Variants in SNX29 observed in about 807,000 individuals in gnomAD.
SNX29 encodes the protein sorting nexin 29, also known as sorting nexin-29.
A neutral mutation model predicts 102.1 loss-of-function variants in SNX29; 78 were observed. The ratio of observed to expected loss-of-function variants is 0.76; its 90% confidence interval spans 0.64 to 0.92. SNX29 has a LOEUF of 0.92. SNX29 is among the 40% of genes least tolerant of loss of function. The pLI is 0.00. For missense variants in SNX29, 1,280 were observed against 1,061.7 expected, an observed-to-expected ratio of 1.21 and a Z score of -2.86; for synonymous variants, 580 against 414.5, an observed-to-expected ratio of 1.40 and a Z score of -4.85.
chr16:12,110,164 C>G (rs918737630), intron 11 of SNX29, among the ~76,000 whole-genome samples: 1 of 152,162 alleles, frequency 6.6e-6, no homozygotes, highest in African/African-American at 2.4e-5. Flanking sequence ...CTGCAGCTCA[C>G]GTGTCTAAAG....
intron 10 of SNX29, among the ~76,000 whole-genome samples, chr16:12,069,432 A>AT (rs927794201): frequency 2.6e-5 from 4 of 151,706 alleles, no homozygotes; most frequent in East Asian, 1.9e-4. Flanking sequence ...TGCCTAGCTG[A>AT]TTTTTTTGTA....
chr16:11,999,924 A>T (rs868057988), intron 2 of SNX29, among the ~76,000 whole-genome samples: 1 of 151,012 alleles, frequency 6.6e-6, no homozygotes, highest in East Asian at 1.9e-4. Context: ...AAAGTCATTG[A>T]TGTGGGTTTC....
At chr16:12,286,514 T>G (rs1208870060) in intron 15 of SNX29, among the ~76,000 whole-genome samples, 1 of 151,836 alleles carries the variant, frequency 6.6e-6, no homozygotes, top group African/African-American at 2.4e-5. Context: ...GAGGTTAATT[T>G]TTTTGTATTT....
intron 4 of SNX29, among the ~76,000 whole-genome samples, chr16:12,031,666 G>A (rs542016837): frequency 2.6e-5 from 4 of 152,026 alleles, no homozygotes; most frequent in African/African-American, 4.8e-5. Flanking sequence ...TTAGCCAGGC[G>A]TGGTGGCAGG....
intron 18 of SNX29, among the ~76,000 whole-genome samples, chr16:12,467,340 C>T (rs1312983147): frequency 1.3e-5 from 2 of 152,200 alleles, no homozygotes; most frequent in Non-Finnish European, 2.9e-5. Flanking sequence ...AAATGGCTAT[C>T]GCTCACTAGG....
At chr16:11,993,101 G>C (rs1382792167) in intron 1 of SNX29, among the ~76,000 whole-genome samples, 2 of 151,972 alleles carry the variant, frequency 1.3e-5, no homozygotes, top group East Asian at 3.9e-4. Context: ...GGAGGTGGAG[G>C]CCTTAGTGAG....
intron 8 of SNX29, among the ~76,000 whole-genome samples, chr16:12,058,389 C>A (rs968750310): frequency 4.0e-5 from 6 of 150,688 alleles, no homozygotes; most frequent in African/African-American, 1.5e-4. Context: ...TTAAGCCAAT[C>A]AAGGCACCAG....
chr16:12,089,687 A>G, intron 11 of SNX29: 1 of 197,350 alleles, frequency 5.1e-6, no homozygotes. Flanking sequence ...GATGCTGGAG[A>G]GGGTGGCTCG....
chr16:12,253,438 A>G (rs1168352791), intron 14 of SNX29, among the ~76,000 whole-genome samples: 1 of 152,222 alleles, frequency 6.6e-6, no homozygotes, highest in Non-Finnish European at 1.5e-5. Context: ...GAAGCTGATA[A>G]TTGATATGGA....
intron 15 of SNX29, among the ~76,000 whole-genome samples, chr16:12,289,600 C>T (rs2079725416): frequency 6.6e-6 from 1 of 152,158 alleles, no homozygotes. Context: ...TCCAGTTGTG[C>T]CTCTGATCTG....
At chr16:12,015,881 T>A (rs1294356981) in intron 3 of SNX29, among the ~76,000 whole-genome samples, 2 of 148,970 alleles carry the variant, frequency 1.3e-5, no homozygotes, top group Non-Finnish European at 3.0e-5. Context: ...TTTATTTTTT[T>A]TGGGACAGAA....
At chr16:12,333,385 G>A (rs1243712010) in intron 15 of SNX29, among the ~76,000 whole-genome samples, 4 of 152,028 alleles carry the variant, frequency 2.6e-5, no homozygotes, top group South Asian at 2.1e-4. Flanking sequence ...GATTACAGAC[G>A]TGAGCCACCG....
rs1274662218 is a variant in SNX29 at position 12,078,890 on chromosome 16, C to T, written c.1377C>T (p.Ala459=). ...GSPLSSLLPS[A]SVPESMTISE... is the part of the protein sequence containing the mutation. ...CTCTGAGCAGCCTGTTACCTTCTGC[C>T]TCAGTGCCAGAGTCCATGACAATTA... is the stretch of plus-strand genomic sequence containing the variant. Residue 459 remains alanine (A), a synonymous_variant, in exon 11 of 21, where the codon GCC becomes GCT. Coordinates refer to ENST00000566228, the MANE Select transcript of SNX29 (RefSeq NM_032167.5). 6 of 1,605,738 alleles carry T rather than the reference C, an allele frequency of 3.7e-6. No individual in the cohort carries two copies. In the East Asian group the frequency reaches 9.0e-5, roughly 24 times the overall value.
At chr16:12,269,123 A>G (rs2142588157) in intron 14 of SNX29, among the ~76,000 whole-genome samples, 1 of 152,356 alleles carries the variant, frequency 6.6e-6, no homozygotes, top group East Asian at 1.9e-4. Context: ...GAATATAAGG[A>G]GAGAAGGCTT....
rs142151483 is a variant in SNX29, at chr16:12,291,224, G to C, written c.1782+13188G>C. 4.6e-5 allele frequency among the ~76,000 whole-genome samples: 7 copies of C among 152,110 alleles called. No homozygotes were observed. In the East Asian group the frequency reaches 1.2e-3, roughly 25 times the overall value. ...TGCTGATAAAGACATGCCCAAGACC[G>C]GGAAGAAAAAGAGGCTTAATGGACT... On this transcript the variant is annotated intron_variant, in intron 15 of 20. Transcript: ENST00000566228.
chr16:12,347,492 G>A (rs1021671238), intron 15 of SNX29, among the ~76,000 whole-genome samples: 1 of 152,064 alleles, frequency 6.6e-6, no homozygotes. Context: ...GAGCCAGACT[G>A]ACCACCTCCC....
intron 18 of SNX29, among the ~76,000 whole-genome samples, chr16:12,447,753 TTG>T (rs1369866036): frequency 6.6e-6 from 1 of 152,184 alleles, no homozygotes; most frequent in Non-Finnish European, 1.5e-5. Flanking sequence ...TCTCCTGAGA[TTG>T]TGTTTGTCAC....
chr16:12,228,540 G>GA (rs1271188937), intron 14 of SNX29, among the ~76,000 whole-genome samples: 1 of 152,208 alleles, frequency 6.6e-6, no homozygotes, highest in African/African-American at 2.4e-5. Context: ...ATATGCTCAA[G>GA]ATATTTTCCT....
chr16:12,442,506 C>G (rs1366167660), intron 18 of SNX29, among the ~76,000 whole-genome samples: 1 of 152,044 alleles, frequency 6.6e-6, no homozygotes, highest in Non-Finnish European at 1.5e-5. Flanking sequence ...GTGCAGCCTC[C>G]ATCTCAGATG....
Sources: gnomAD v4.1 joint callset for allele counts (sites outside exome capture counted in the v4.1 genomes callset) on GRCh38, gnomAD v4.1.1 for gene constraint, MANE v1.5 for transcripts, NCBI Gene and HGNC (gene_info 2026-07-23, HGNC 2026-07-21) for gene names.